Variants in GRIK3 observed in about 807,000 individuals in gnomAD.
GRIK3 encodes glutamate ionotropic receptor kainate type subunit 3, also known as glutamate receptor ionotropic, kainate 3.
GRIK3 carries 29 observed loss-of-function variants against 102.5 expected under a neutral mutation model. The ratio of observed to expected loss-of-function variants is 0.28; its 90% confidence interval spans 0.21 to 0.39. The LOEUF (loss-of-function observed/expected upper bound fraction) is 0.39. GRIK3 is among the 10% of genes least tolerant of loss of function. GRIK3 has a pLI of 1.00. For synonymous variants in GRIK3, 511 were observed against 504.9 expected, an observed-to-expected ratio of 1.01 and a Z score of -0.16; for missense variants, 908 against 1,252.4, an observed-to-expected ratio of 0.73 and a Z score of 4.15.
rs116696165 is a variant in GRIK3 at position 36,865,480 on chromosome 1, G to A, written c.786+4268C>T. On this transcript the variant is annotated intron_variant, in intron 5 of 15. Transcript: ENST00000373091. ...GGGAGGATCACGAGGTAGAGGCCTC[G>A]GCAACAGGGCCGGAAGTGGATCCTG... Among the ~76,000 whole-genome samples the A allele has an allele frequency of 2.8e-3, 433 of 152,268 alleles. 3 individuals carry two copies. Among genetic ancestry groups the A allele is most frequent in the African/African-American group, 0.01 (417 of 41,534 alleles).
chr1:36,940,005 GAGCTGGGTACAC>G (rs749603499), intron 1 of GRIK3, among the ~76,000 whole-genome samples: 12 of 152,190 alleles, frequency 7.9e-5, no homozygotes, highest in Non-Finnish European at 1.6e-4. Context: ...ACTATTCTCG[GAGCTGGGTACAC>G]AGCTGTGAAT....
intron 1 of GRIK3, among the ~76,000 whole-genome samples, chr1:37,011,783 C>T (rs1307810031): frequency 6.6e-6 from 1 of 152,156 alleles, no homozygotes; most frequent in African/African-American, 2.4e-5. Context: ...AGACCATGGG[C>T]CTGTTATGAC....
chr1:36,814,014 C>T (rs1319456738), intron 13 of GRIK3, among the ~76,000 whole-genome samples: 2 of 152,154 alleles, frequency 1.3e-5, no homozygotes, highest in Non-Finnish European at 2.9e-5. Flanking sequence ...CCCACAGACT[C>T]CTGTGAGCAT....
intron 1 of GRIK3, among the ~76,000 whole-genome samples, chr1:36,972,239 T>A (rs147337341): frequency 6.6e-6 from 1 of 152,352 alleles, no homozygotes; most frequent in East Asian, 1.9e-4. Context: ...CCTGCAGAAC[T>A]TCAGTGGTCT....
chr1:36,803,934 CA>C (rs1425412593), intron 15 of GRIK3, among the ~76,000 whole-genome samples: 1 of 152,240 alleles, frequency 6.6e-6, no homozygotes, highest in Non-Finnish European at 1.5e-5. Flanking sequence ...TGACCACTTA[CA>C]CAGTGTACAT....
rs188080205 is a variant in GRIK3 at position 37,029,692 on chromosome 1, C to G, written c.115+4302G>C. On this transcript the variant is annotated intron_variant, in intron 1 of 15. Transcript: ENST00000373091. ...TCCTCCCCCATGGAGGGGACTGTTT[C>G]CTGGGACAGGCACAGAGTGCCTGTG... Among the ~76,000 whole-genome samples the G allele has an allele frequency of 1.2e-4, 18 of 152,330 alleles. No individual in the cohort carries two copies. In the East Asian group the frequency reaches 1.4e-3, roughly 11 times the overall value.
chr1:36,944,294 G>A (rs916959806), intron 1 of GRIK3, among the ~76,000 whole-genome samples: 1 of 152,242 alleles, frequency 6.6e-6, no homozygotes, highest in Non-Finnish European at 1.5e-5. Context: ...AGCAGAGCAA[G>A]CCTTGGGAAA....
chr1:36,826,737 G>A (rs886280044), intron 10 of GRIK3, among the ~76,000 whole-genome samples: 3 of 151,760 alleles, frequency 2.0e-5, no homozygotes, highest in Admixed American at 6.6e-5. Flanking sequence ...TTTATTAATA[G>A]GAGGTGGTGC....
intron 1 of GRIK3, among the ~76,000 whole-genome samples, chr1:37,030,996 G>A (rs140293025): frequency 4.9e-4 from 75 of 152,248 alleles, no homozygotes; most frequent in African/African-American, 1.8e-3. Context: ...CTCCACTACA[G>A]ATTTGGGGTC....
chr1:36,937,881 CA>C (rs1405674205), intron 1 of GRIK3, among the ~76,000 whole-genome samples: 2 of 152,202 alleles, frequency 1.3e-5, no homozygotes, highest in Non-Finnish European at 1.5e-5. Context: ...AACTAATGGC[CA>C]AACTGCATGG....
At position 36,850,388 on chromosome 1, in the gene GRIK3, T is replaced by A; in HGVS notation, c.1249A>T (p.Thr417Ser). 1.2e-6 allele frequency: 2 copies of A among 1,613,584 alleles called. No individual in the cohort carries two copies. The highest frequency in any genetic ancestry group is 1.7e-6 in the Non-Finnish European group (2 of 1,179,618). The change falls in exon 9 of 16, where the codon ACT becomes TCT. Residue 417 changes from threonine to serine, a missense_variant. By Grantham distance (58) the Thr-to-Ser change is moderately conservative. Around this residue, in one of 3 missense-constraint regions of GRIK3, gnomAD observed 585 missense variants for 824.9 expected, o/e 0.71. Coordinates refer to ENST00000373091, the MANE Select transcript of GRIK3 (RefSeq NM_000831.4). This position sits in a 1 kb window ranked among gnomAD's most constrained non-coding sequence, Gnocchi z 4.0. ...GGGCCTCGGCCTTTGGCAACCTCAGTGATGTTGAGCCCGTCGGCAGGACTC... is the reference window on the plus strand; with the variant it reads ...GGGCCTCGGCCTTTGGCAACCTCAGAGATGTTGAGCCCGTCGGCAGGACTC... Reference protein sequence around the residue: ...VWSPADGLNITEVAKGRGPNV... With the variant: ...VWSPADGLNISEVAKGRGPNV...
intron 1 of GRIK3, among the ~76,000 whole-genome samples, chr1:36,951,244 G>T (rs1465932223): frequency 6.6e-6 from 1 of 152,232 alleles, no homozygotes; most frequent in Admixed American, 6.5e-5. Context: ...CTCCAAGTCT[G>T]GCAGCACCCT....
intron 1 of GRIK3, among the ~76,000 whole-genome samples, chr1:37,024,334 T>C (rs1642745118): frequency 6.6e-6 from 1 of 152,086 alleles, no homozygotes; most frequent in Non-Finnish European, 1.5e-5. Context: ...GTGATCATAA[T>C]AGTAGGAATA....
intron 1 of GRIK3, among the ~76,000 whole-genome samples, chr1:36,972,175 T>A (rs575605): frequency 1.3e-5 from 2 of 152,124 alleles, no homozygotes; most frequent in Admixed American, 6.5e-5. Context: ...CGCATCCCAA[T>A]GAGGCTGTGA....
chr1:36,830,004 C>T (rs1642798407), intron 10 of GRIK3, among the ~76,000 whole-genome samples: 1 of 152,244 alleles, frequency 6.6e-6, no homozygotes, highest in South Asian at 2.1e-4. Flanking sequence ...TCCCAGCTTG[C>T]TGCCTGTGTC....
At chr1:36,952,816 T>C (rs1010368128) in intron 1 of GRIK3, among the ~76,000 whole-genome samples, 5 of 152,168 alleles carry the variant, frequency 3.3e-5, no homozygotes, top group Non-Finnish European at 7.3e-5. Context: ...GTCTAATTTA[T>C]ACATGGTGTT....
chr1:36,899,653 G>A (rs895521427), intron 1 of GRIK3, among the ~76,000 whole-genome samples: 1 of 152,132 alleles, frequency 6.6e-6, no homozygotes, highest in Non-Finnish European at 1.5e-5. Flanking sequence ...CCACTGAACA[G>A]TACACTTAAA....
chr1:36,810,932 G>T (rs781370041), intron 13 of GRIK3, among the ~76,000 whole-genome samples: 2 of 152,222 alleles, frequency 1.3e-5, no homozygotes, highest in Admixed American at 6.5e-5. Context: ...GGGGCTACAG[G>T]CTGGGGGTGG....
At chr1:36,892,874 A>C (rs895675420) in intron 1 of GRIK3, among the ~76,000 whole-genome samples, 1 of 152,228 alleles carries the variant, frequency 6.6e-6, no homozygotes, top group African/African-American at 2.4e-5. Context: ...CCATAAAGAG[A>C]CTCAAGTAGA....
Sources: allele counts gnomAD v4.1 joint callset (sites outside exome capture counted in the v4.1 genomes callset), GRCh38; gene constraint gnomAD v4.1.1; regional missense constraint gnomAD v4.1.1; non-coding constraint Gnocchi (gnomAD v3.1); transcripts MANE v1.5; gene names NCBI Gene and HGNC (gene_info 2026-07-23, HGNC 2026-07-21).